The following CIB4 variants were observed in gnomAD, a reference collection of about 807,000 sequenced individuals.
The protein encoded by CIB4 is calcium and integrin binding family member 4.
A neutral mutation model predicts 25.8 loss-of-function variants in CIB4; 25 were observed. That is an observed-to-expected ratio of 0.97 (90% CI 0.71 to 1.35). The LOEUF is 1.35. Among genes scored for constraint, CIB4 ranks in the 40% most tolerant of loss-of-function variants. The pLI, the probability that CIB4 is intolerant of heterozygous loss-of-function variation, is 0.00. For missense variants in CIB4, 235 were observed against 228.2 expected (o/e 1.03, Z -0.19); for synonymous variants, 75 against 81.4 (o/e 0.92, Z 0.42).
chr2:26,609,525 C>T (rs1432231955), intron 3 of CIB4, among the ~76,000 whole-genome samples: 3 of 152,070 alleles, frequency 2.0e-5, no homozygotes, highest in Non-Finnish European at 4.4e-5. Flanking sequence ...ATGCAGGAGA[C>T]GGAGGCAGAG....
chr2:26,622,126 C>T (rs1408269590), intron 3 of CIB4, among the ~76,000 whole-genome samples: 15 of 151,916 alleles, frequency 9.9e-5, no homozygotes, highest in African/African-American at 1.2e-4. Context: ...TTTGGGAGGC[C>T]GAGGCGGGTG....
At chr2:26,590,258 T>TGA (rs1464483097) in intron 4 of CIB4, among the ~76,000 whole-genome samples, 1 of 61,824 alleles carries the variant, frequency 1.6e-5, no homozygotes, top group African/African-American at 7.3e-5. Flanking sequence ...CAAGCATCTG[T>TGA]AAAAAAAAAA....
chr2:26,588,791 G>A (rs1668502831), intron 4 of CIB4, among the ~76,000 whole-genome samples: 1 of 152,178 alleles, frequency 6.6e-6, no homozygotes, highest in Non-Finnish European at 1.5e-5. Flanking sequence ...CTGTGCTGAT[G>A]GGAGCAGGAA....
intron 2 of CIB4, 22 bp from the exon 3 acceptor site, chr2:26,629,528 C>A (rs1669375471): frequency 1.3e-6 from 2 of 1,511,676 alleles, no homozygotes; most frequent in Non-Finnish European, 1.8e-6. Flanking sequence ...GGCATGAAGA[C>A]CGTGTGGCCG....
intron 3 of CIB4, among the ~76,000 whole-genome samples, chr2:26,596,648 G>A (rs1668688370): frequency 6.6e-6 from 1 of 152,028 alleles, no homozygotes; most frequent in Non-Finnish European, 1.5e-5. Flanking sequence ...TCGGGAGGCT[G>A]AGGCAGGAGA....
At chr2:26,623,643 G>T in intron 3 of CIB4, 1 of 454,346 alleles carries the variant, frequency 2.2e-6, no homozygotes, top group South Asian at 1.6e-5. Flanking sequence ...AAACCTCTCT[G>T]CTCTGTAACA....
chr2:26,617,214 A>G (rs1210700580), intron 3 of CIB4, among the ~76,000 whole-genome samples: 1 of 151,742 alleles, frequency 6.6e-6, no homozygotes, highest in African/African-American at 2.4e-5. Context: ...GCCTAGGAAC[A>G]GTTGGGGAAA....
chr2:26,632,314 T>C (rs1455762991), intron 2 of CIB4, among the ~76,000 whole-genome samples: 5 of 152,198 alleles, frequency 3.3e-5, no homozygotes, highest in Admixed American at 2.6e-4. Context: ...GTCTAGAGAC[T>C]GCACACGTTT....
chr2:26,603,497 C>G (rs1017552506), intron 3 of CIB4, among the ~76,000 whole-genome samples: 1 of 152,192 alleles, frequency 6.6e-6, no homozygotes, highest in Admixed American at 6.5e-5. Flanking sequence ...GGTACACAGT[C>G]TTGTCTTACT....
chr2:26,590,066 TTC>T (rs1439054560), intron 4 of CIB4, among the ~76,000 whole-genome samples: 1 of 152,036 alleles, frequency 6.6e-6, no homozygotes, highest in East Asian at 1.9e-4. Flanking sequence ...ACTTTGTTTT[TTC>T]TTTTTTGTAA....
chr2:26,610,141 G>T (rs937160719), intron 3 of CIB4, among the ~76,000 whole-genome samples: 1 of 152,214 alleles, frequency 6.6e-6, no homozygotes, highest in Non-Finnish European at 1.5e-5. Flanking sequence ...TTCTCAGATG[G>T]TGTCAGGGCT....
At chr2:26,616,652 G>C (rs1470508702) in intron 3 of CIB4, among the ~76,000 whole-genome samples, 2 of 152,180 alleles carry the variant, frequency 1.3e-5, no homozygotes, top group Non-Finnish European at 2.9e-5. Flanking sequence ...ACACTCCACA[G>C]GGCGTCCCAG....
At chr2:26,588,981 C>A (rs186620066) in intron 4 of CIB4, among the ~76,000 whole-genome samples, 249 of 13,898 alleles carry the variant, frequency 0.018, 19 homozygotes, top group Non-Finnish European at 6.5e-3. Flanking sequence ...CTTCTTCTTT[C>A]TTCTTCTTCT....
intron 2 of CIB4, among the ~76,000 whole-genome samples, chr2:26,632,120 C>T (rs1430774889): frequency 1.3e-5 from 2 of 152,250 alleles, no homozygotes; most frequent in Admixed American, 6.5e-5. Flanking sequence ...TGCCGGACCT[C>T]TCTGAGCACG....
At position 26,590,349 on chromosome 2, in the gene CIB4, C is replaced by T. The variant is rs112102189; in HGVS notation, c.328+4827G>A. Among the ~76,000 whole-genome samples, 1,081 of 149,024 alleles carry T rather than the reference C, an allele frequency of 7.3e-3. 18 individuals are homozygous for T. The highest frequency in any genetic ancestry group is 0.025 in the African/African-American group (1,002 of 40,576). ...GTGGGTTAGATCAATGCTTCTTAGA[C>T]GTTAAAGCACAGAGGAATCTTGCTA... is the stretch of plus-strand genomic sequence containing the variant. On this transcript the variant is annotated intron_variant, in intron 4 of 6. Coordinates refer to ENST00000288861, the MANE Select transcript of CIB4 (RefSeq NM_001029881.3).
chr2:26,612,181 A>G (rs1669007383), intron 3 of CIB4, among the ~76,000 whole-genome samples: 1 of 152,234 alleles, frequency 6.6e-6, no homozygotes, highest in Non-Finnish European at 1.5e-5. Context: ...GAACCCAGGC[A>G]GAGCTGAACT....
rs71399396 is a variant in CIB4, at chr2:26,587,304, C to CAAAAAAAAAA, written c.329-3416_329-3407dup. Among the ~76,000 whole-genome samples the CAAAAAAAAAA allele has an allele frequency of 8.5e-4, 52 of 61,452 alleles. 4 individuals carry two copies. The East Asian group carries it at 0.01, about 12-fold the overall frequency. The allele number at this position is 61,452 out of a possible 152,430, so 40.3% of individuals were successfully genotyped here. ...TGGGCGACAGAGCAAGACTCCGTCTCAAAAAAAAAAAAAAAAAAAAAAAAG... is the reference window on the plus strand; with the variant it reads ...TGGGCGACAGAGCAAGACTCCGTCTCAAAAAAAAAAAAAAAAAAAAAAAAAAAAAAAAAAG... On this transcript the variant is annotated intron_variant, in intron 4 of 6. Coordinates refer to ENST00000288861, the MANE Select transcript of CIB4 (RefSeq NM_001029881.3).
chr2:26,618,614 T>C (rs1375643211), intron 3 of CIB4, among the ~76,000 whole-genome samples: 2 of 152,158 alleles, frequency 1.3e-5, no homozygotes, highest in African/African-American at 4.8e-5. Context: ...CTGTCATTTT[T>C]AATGGCAAAG....
intron 2 of CIB4, among the ~76,000 whole-genome samples, chr2:26,635,453 T>C (rs1489571132): frequency 6.6e-6 from 1 of 152,244 alleles, no homozygotes; most frequent in African/African-American, 2.4e-5. Context: ...CTTGAATACT[T>C]TTTTAACTGG....
Sources: allele counts gnomAD v4.1 joint callset (sites outside exome capture counted in the v4.1 genomes callset), GRCh38; gene constraint gnomAD v4.1.1; transcripts MANE v1.5; gene names NCBI Gene and HGNC (gene_info 2026-07-23, HGNC 2026-07-21).